Variants in DIS3L2 observed in about 807,000 individuals in gnomAD.
The protein encoded by DIS3L2 is DIS3-like exonuclease 2.
In DIS3L2, 34 loss-of-function variants were observed where a neutral mutation model predicts 97.5. The observed-to-expected ratio is 0.35, with a 90% CI of 0.27 to 0.46. DIS3L2 has a LOEUF of 0.46. DIS3L2 is among the 20% of genes least tolerant of loss of function. The pLI, the probability that DIS3L2 is intolerant of heterozygous loss-of-function variation, is 1.00. For missense variants in DIS3L2, 1,038 were observed against 1,146.0 expected, an observed-to-expected ratio of 0.91 and a Z score of 1.36; for synonymous variants, 435 against 445.2, an observed-to-expected ratio of 0.98 and a Z score of 0.29.
chr2:231,980,088 A>T (rs1045326956), intron 1 of DIS3L2, among the ~76,000 whole-genome samples: 1 of 152,172 alleles, frequency 6.6e-6, no homozygotes, highest in African/African-American at 2.4e-5. Flanking sequence ...GTGTCATAGG[A>T]TGTTTTTCAA....
chr2:231,987,275 G>A (rs972813701), intron 1 of DIS3L2, among the ~76,000 whole-genome samples: 2 of 152,124 alleles, frequency 1.3e-5, no homozygotes, highest in African/African-American at 4.8e-5. Flanking sequence ...ATAAGATGTG[G>A]CAATTAAAAT....
chr2:232,203,937 T>C (rs975493111), intron 9 of DIS3L2, among the ~76,000 whole-genome samples: 1 of 152,116 alleles, frequency 6.6e-6, no homozygotes, highest in African/African-American at 2.4e-5. Context: ...TAGAGAAGAA[T>C]TTAGCACACG....
At chr2:232,128,090 A>G (rs1352992536) in intron 6 of DIS3L2, among the ~76,000 whole-genome samples, 1 of 151,938 alleles carries the variant, frequency 6.6e-6, no homozygotes, top group Non-Finnish European at 1.5e-5. Flanking sequence ...AGCTGGGACC[A>G]CAGGTGTACA....
chr2:232,224,298 TG>T (rs1372962866), intron 10 of DIS3L2, among the ~76,000 whole-genome samples: 2 of 152,330 alleles, frequency 1.3e-5, no homozygotes, highest in African/African-American at 2.4e-5. Flanking sequence ...GATATCCATA[TG>T]GGGGAAAAAT....
chr2:232,276,548 C>T lies in DIS3L2; in HGVS notation c.1659+13108C>T, dbSNP rs954844654. On this transcript the variant is annotated intron_variant, in intron 13 of 20. Coordinates refer to ENST00000325385, the MANE Select transcript of DIS3L2 (RefSeq NM_152383.5). The surrounding 1 kb of genome is among the most constrained non-coding windows in gnomAD (Gnocchi z 4.4). ...TTCTGTCCTGTTTGCCCAGAGGCCTCGCTCAGACTTGTTCCTTTTTGGTAC... is the reference window on the plus strand; with the variant it reads ...TTCTGTCCTGTTTGCCCAGAGGCCTTGCTCAGACTTGTTCCTTTTTGGTAC... 3.3e-5 allele frequency among the ~76,000 whole-genome samples: 5 copies of T among 152,226 alleles called. No individual in the cohort carries two copies. Among genetic ancestry groups the T allele is most frequent in the Admixed American group, 2.0e-4 (3 of 15,280 alleles).
chr2:232,116,919 C>G (rs1285574335), intron 6 of DIS3L2, among the ~76,000 whole-genome samples: 1 of 152,170 alleles, frequency 6.6e-6, no homozygotes, highest in Non-Finnish European at 1.5e-5. Context: ...GTAAGTGGAA[C>G]CAGCCGTCCA....
At chr2:232,164,940 A>G (rs1027723806) in intron 9 of DIS3L2, among the ~76,000 whole-genome samples, 4 of 152,176 alleles carry the variant, frequency 2.6e-5, no homozygotes, top group Admixed American at 6.5e-5. Context: ...GAATCTATCT[A>G]ATGATTTAAT....
chr2:232,339,293 G>A (rs560105269), downstream of DIS3L2, among the ~76,000 whole-genome samples: 10 of 152,356 alleles, frequency 6.6e-5, no homozygotes, highest in Admixed American at 6.5e-5. Context: ...GGAAGCGGGC[G>A]CCAGAGGAGG....
At position 232,153,527 on chromosome 2, in the gene DIS3L2, C is replaced by T. The variant is rs1161532576; in HGVS notation, c.951-9932C>T. 1.1e-4 allele frequency among the ~76,000 whole-genome samples: 5 copies of T among 45,056 alleles called. No individual in the cohort carries two copies. The South Asian group carries it at 4.1e-3, about 37-fold the overall frequency. The allele number at this position is 45,056 out of a possible 152,430, so 29.6% of individuals were successfully genotyped here. Reference sequence around the variant, plus strand: ...TTTCTTTAAGAATGTTGAATATTGGCCCCCACTCTCTTCTGGCTTGTAGGG... The same window carrying T: ...TTTCTTTAAGAATGTTGAATATTGGTCCCCACTCTCTTCTGGCTTGTAGGG... On this transcript the variant is annotated intron_variant, in intron 8 of 20. Coordinates refer to ENST00000325385, the MANE Select transcript of DIS3L2 (RefSeq NM_152383.5).
intron 4 of DIS3L2, among the ~76,000 whole-genome samples, chr2:232,028,996 C>T (rs1694734193): frequency 6.6e-6 from 1 of 152,110 alleles, no homozygotes; most frequent in Admixed American, 6.5e-5. Flanking sequence ...TCTGCCCCTC[C>T]CCCTTTTTTT....
At chr2:232,158,725 CAGTT>C (rs1340505760) in intron 8 of DIS3L2, among the ~76,000 whole-genome samples, 4 of 152,016 alleles carry the variant, frequency 2.6e-5, no homozygotes, top group Non-Finnish European at 5.9e-5. Context: ...CCCAGACAGA[CAGTT>C]AAAGACATTG....
At chr2:232,189,205 G>A (rs1259222071) in intron 9 of DIS3L2, among the ~76,000 whole-genome samples, 3 of 152,036 alleles carry the variant, frequency 2.0e-5, no homozygotes, top group African/African-American at 7.2e-5. Flanking sequence ...AACACAACCC[G>A]GTAATTGCAC....
chr2:232,229,555 C>G (rs887634049), intron 10 of DIS3L2, among the ~76,000 whole-genome samples: 1 of 152,216 alleles, frequency 6.6e-6, no homozygotes, highest in Non-Finnish European at 1.5e-5. Flanking sequence ...GCCAGCCTCG[C>G]AAGTTCAGCT....
At position 231,972,148 on chromosome 2, in the gene DIS3L2, G is replaced by A. The variant is rs528444184; in HGVS notation, c.-94+10383G>A. On this transcript the variant is annotated intron_variant, in intron 1 of 20. Transcript: ENST00000325385. ...TGCAGTGAGCCGAGATCGCGCCACT[G>A]CACCCCAGCTTGGCTACAGAGCGAG... Among the ~76,000 whole-genome samples, 594 of 151,700 alleles carry A rather than the reference G, an allele frequency of 3.9e-3. 3 individuals carry two copies. The highest frequency in any genetic ancestry group is 0.014 in the African/African-American group (563 of 41,420).
intron 10 of DIS3L2, among the ~76,000 whole-genome samples, chr2:232,224,785 T>C (rs1692597103): frequency 6.6e-6 from 1 of 151,124 alleles, no homozygotes; most frequent in African/African-American, 2.4e-5. Flanking sequence ...TTGCAGTGCG[T>C]TGAGATTGCA....
intron 1 of DIS3L2, among the ~76,000 whole-genome samples, chr2:231,999,172 G>A (rs970137670): frequency 1.3e-5 from 2 of 152,156 alleles, no homozygotes; most frequent in Admixed American, 6.5e-5. Flanking sequence ...TTCAGTAAAA[G>A]TTTATTTACA....
intron 1 of DIS3L2, 129 bp downstream of exon 1, chr2:231,961,894 G>C (rs911916913): frequency 6.6e-6 from 1 of 152,492 alleles, no homozygotes; most frequent in Non-Finnish European, 1.5e-5. Flanking sequence ...GGCCCGGGAC[G>C]AGCGTCTTCC....
Position 232,015,670 on chromosome 2 carries a change from A to G in DIS3L2, c.209A>G (p.Gln70Arg), listed in dbSNP as rs376019404. The G allele has an allele frequency of 5.6e-6, 9 of 1,613,480 alleles. No homozygotes were observed. Among genetic ancestry groups the G allele is most frequent in the Non-Finnish European group, 7.6e-6 (9 of 1,179,720 alleles). Reference sequence around the variant, plus strand: ...GGCTTGAAGAGAGGAACACTCATCCAGGTGCTTAAAATCTACTGGAAGGCT... The same window carrying G: ...GGCTTGAAGAGAGGAACACTCATCCGGGTGCTTAAAATCTACTGGAAGGCT... Reference protein sequence around the residue: ...SEGLKRGTLIQGVLRINPKKF... With the variant: ...SEGLKRGTLIRGVLRINPKKF... Residue 70 changes from glutamine (Q) to arginine (R), a missense_variant and splice_region_variant, in exon 3 of 21, where the codon CAG becomes CGG. This residue lies in a region of DIS3L2 where 813 missense variants were observed against 880.1 expected (regional missense o/e 0.92). Transcript: ENST00000325385.
At chr2:232,252,834 A>G (rs942700239) in intron 12 of DIS3L2, among the ~76,000 whole-genome samples, 6 of 152,094 alleles carry the variant, frequency 3.9e-5, no homozygotes, top group Non-Finnish European at 5.9e-5. Flanking sequence ...CTGGGAAGTC[A>G]AGGCTGCAGT....
Sources: gnomAD v4.1 joint callset for allele counts (sites outside exome capture counted in the v4.1 genomes callset) on GRCh38, gnomAD v4.1.1 for gene constraint, gnomAD v4.1.1 regional missense constraint, Gnocchi (gnomAD v3.1) non-coding constraint, MANE v1.5 for transcripts, NCBI Gene and HGNC (gene_info 2026-07-23, HGNC 2026-07-21) for gene names.